Variants in NTM observed in about 807,000 individuals in gnomAD.
NTM encodes IgLON family member 2.
NTM carries 13 observed loss-of-function variants against 42.1 expected under a neutral mutation model. The observed-to-expected ratio is 0.31, with a 90% CI of 0.20 to 0.49. The LOEUF is 0.49. Among genes scored for constraint, NTM ranks in the 20% least tolerant of loss-of-function variants. The pLI, the probability that NTM is intolerant of heterozygous loss-of-function variation, is 0.99. For missense variants in NTM, 373 were observed against 452.8 expected (o/e 0.82, Z 1.60); for synonymous variants, 187 against 179.2 (o/e 1.04, Z -0.35).
At chr11:131,867,427 CAG>C (rs2047332417) in intron 1 of NTM, among the ~76,000 whole-genome samples, 1 of 151,248 alleles carries the variant, frequency 6.6e-6, no homozygotes, top group Non-Finnish European at 1.5e-5. Context: ...CTGTGTGTAT[CAG>C]TGTGAATAAC....
At chr11:131,794,832 A>T (rs2091368258) in intron 1 of NTM, 1 of 985,316 alleles carries the variant, frequency 1.0e-6, no homozygotes, top group African/African-American at 1.7e-5. Flanking sequence ...TTAAAGAAAA[A>T]GCCCAGGCAG....
At chr11:131,877,408 G>T (rs546196158) in intron 1 of NTM, among the ~76,000 whole-genome samples, 1 of 152,156 alleles carries the variant, frequency 6.6e-6, no homozygotes, top group Non-Finnish European at 1.5e-5. Flanking sequence ...CAGGAACCTG[G>T]CCAGAATTCC....
chr11:132,248,326 C>A (rs992919304), intron 4 of NTM, among the ~76,000 whole-genome samples: 2 of 152,076 alleles, frequency 1.3e-5, no homozygotes, highest in African/African-American at 4.8e-5. Context: ...GCTCTGTCTT[C>A]CTCTCTCTCT....
intron 4 of NTM, among the ~76,000 whole-genome samples, chr11:132,266,562 C>A (rs2093196144): frequency 6.6e-6 from 1 of 152,338 alleles, no homozygotes; most frequent in South Asian, 2.1e-4. Flanking sequence ...TAATCTCTTC[C>A]TCTGAGACAG....
At chr11:131,836,919 A>G (rs1011856279) in intron 1 of NTM, among the ~76,000 whole-genome samples, 26 of 152,146 alleles carry the variant, frequency 1.7e-4, no homozygotes, top group Non-Finnish European at 2.6e-4. Flanking sequence ...ATGTGTAACA[A>G]ATCCATTGTG....
At chr11:131,697,081 G>A (rs182382928) in intron 1 of NTM, among the ~76,000 whole-genome samples, 7 of 152,146 alleles carry the variant, frequency 4.6e-5, no homozygotes, top group African/African-American at 1.7e-4. Context: ...GCCGGCTGGG[G>A]GCACGGTGGA....
intron 1 of NTM, among the ~76,000 whole-genome samples, chr11:131,466,810 TCA>T (rs1366703548): frequency 6.6e-6 from 1 of 152,180 alleles, no homozygotes. Flanking sequence ...GAAATCAAAA[TCA>T]CAATTTTTTT....
At chr11:131,680,377 CTG>C (rs1402538194) in intron 1 of NTM, among the ~76,000 whole-genome samples, 3 of 149,900 alleles carry the variant, frequency 2.0e-5, no homozygotes, top group African/African-American at 7.4e-5. Flanking sequence ...GTTTCTGTGT[CTG>C]TGAGTGCCTG....
chr11:131,584,078 G>A (rs1282399576), intron 1 of NTM, among the ~76,000 whole-genome samples: 1 of 152,150 alleles, frequency 6.6e-6, no homozygotes, highest in African/African-American at 2.4e-5. Flanking sequence ...GCATCTTCCT[G>A]GGATCCCAAT....
At chr11:131,929,802 C>T (rs1291260470) in intron 2 of NTM, among the ~76,000 whole-genome samples, 1 of 152,132 alleles carries the variant, frequency 6.6e-6, no homozygotes, top group Non-Finnish European at 1.5e-5. Flanking sequence ...GAATAAACAC[C>T]AGGCCGCTCC....
At chr11:132,133,849 G>A (rs1371831533) in intron 2 of NTM, among the ~76,000 whole-genome samples, 1 of 152,028 alleles carries the variant, frequency 6.6e-6, no homozygotes, top group Non-Finnish European at 1.5e-5. Context: ...ATTCGGCTCT[G>A]CTTATCTGCT....
intron 1 of NTM, among the ~76,000 whole-genome samples, chr11:131,422,907 T>C (rs1947683276): frequency 6.6e-6 from 1 of 152,250 alleles, no homozygotes; most frequent in Non-Finnish European, 1.5e-5. Context: ...TGCTCTTGTT[T>C]CTACTTTATA....
At chr11:131,978,325 A>G (rs527795815) in intron 2 of NTM, among the ~76,000 whole-genome samples, 1 of 152,292 alleles carries the variant, frequency 6.6e-6, no homozygotes, top group Non-Finnish European at 1.5e-5. Flanking sequence ...TTTTTCTTTA[A>G]AACAGTAATA....
At chr11:131,417,026 AG>A (rs1421150878) in intron 1 of NTM, among the ~76,000 whole-genome samples, 1 of 152,216 alleles carries the variant, frequency 6.6e-6, no homozygotes, top group Non-Finnish European at 1.5e-5. Flanking sequence ...TTGTACAATG[AG>A]GATATTTGTA....
chr11:132,260,037 C>T (rs1457537440), intron 4 of NTM, among the ~76,000 whole-genome samples: 1 of 152,114 alleles, frequency 6.6e-6, no homozygotes. Context: ...GTGGCGGGAG[C>T]AGGAGAGATG....
At chr11:132,038,911 A>G (rs995311772) in intron 2 of NTM, among the ~76,000 whole-genome samples, 1 of 152,148 alleles carries the variant, frequency 6.6e-6, no homozygotes, top group Non-Finnish European at 1.5e-5. Context: ...TGCTCTACTT[A>G]GACCTCTGCT....
intron 1 of NTM, among the ~76,000 whole-genome samples, chr11:131,525,264 C>T (rs557739636): frequency 1.7e-4 from 26 of 152,280 alleles, no homozygotes; most frequent in South Asian, 4.1e-4. Context: ...TGAAGTGGGA[C>T]GTGGGTGCTG....
At chr11:131,472,870 A>G (rs1429172136) in intron 1 of NTM, among the ~76,000 whole-genome samples, 2 of 151,504 alleles carry the variant, frequency 1.3e-5, no homozygotes, top group African/African-American at 4.9e-5. Flanking sequence ...TACTTCCACT[A>G]CCCCCCAGAG....
intron 3 of NTM, among the ~76,000 whole-genome samples, chr11:132,174,209 G>A (rs2076480617): frequency 6.6e-6 from 1 of 152,152 alleles, no homozygotes; most frequent in African/African-American, 2.4e-5. Flanking sequence ...CCCTCACTGG[G>A]CACTGAGTAG....
Sources: gnomAD v4.1 joint callset for allele counts (sites outside exome capture counted in the v4.1 genomes callset) on GRCh38, gnomAD v4.1.1 for gene constraint, MANE v1.5 for transcripts, NCBI Gene and HGNC (gene_info 2026-07-23, HGNC 2026-07-21) for gene names.